The following RANBP2 variants were observed in gnomAD, a reference collection of about 807,000 sequenced individuals.
The protein encoded by RANBP2 is RAN binding protein 2, also known as E3 SUMO-protein ligase RanBP2.
A neutral mutation model predicts 303.6 loss-of-function variants in RANBP2; 57 were observed. The ratio of observed to expected loss-of-function variants is 0.19; its 90% CI spans 0.15 to 0.23. The LOEUF (loss-of-function observed/expected upper bound fraction) is 0.23. RANBP2 is among the 10% of genes least tolerant of loss of function. The pLI, the probability that RANBP2 is intolerant of heterozygous loss-of-function variation, is 1.00. For missense variants in RANBP2, 3,138 were observed against 3,780.8 expected (o/e 0.83, Z 4.46); for synonymous variants, 1,167 against 1,301.5 (o/e 0.90, Z 2.23).
chr2:109,198,796 T>A, the RANBP2 span, among the ~76,000 whole-genome samples: 1 of 152,226 alleles, frequency 6.6e-6, no homozygotes, highest in Admixed American at 6.5e-5. Context: ...GTACAGCCTT[T>A]GACATACCTA....
chr2:108,753,853 A>C lies in RANBP2; in HGVS notation c.2084A>C (p.Glu695Ala), dbSNP rs148298842. 7.7e-4 allele frequency: 1,236 copies of C among 1,611,848 alleles called. No homozygotes were observed. The highest frequency in any genetic ancestry group is 9.6e-4 in the Non-Finnish European group (1,137 of 1,179,804). The change falls in exon 15 of 29, where the codon GAA (glutamate) becomes GCA (alanine). Residue 695 changes from glutamate to alanine, a missense_variant. Coordinates refer to ENST00000283195, the MANE Select transcript of RANBP2 (RefSeq NM_006267.5). Reference protein sequence around the residue: ...LIFHRKAEDIENDALSPEEQE... With the variant: ...LIFHRKAEDIANDALSPEEQE... The stretch of plus-strand genomic sequence containing the variant: ...TTTCACAGGAAGGCAGAAGACATTG[A>C]AAATGATGCCCTTTCTCCTGAAGAA...
At chr2:109,552,745 G>A in the RANBP2 span, 1 of 203,616 alleles carries the variant, frequency 4.9e-6, no homozygotes, top group Non-Finnish European at 9.9e-6. Context: ...GGTTGAATGA[G>A]GCACCTAAAA....
At chr2:109,593,765 G>A in the RANBP2 span, among the ~76,000 whole-genome samples, 1 of 152,094 alleles carries the variant, frequency 6.6e-6, no homozygotes. Flanking sequence ...ATGTTCCACT[G>A]CAGCGTGTCA....
the RANBP2 span, among the ~76,000 whole-genome samples, chr2:109,143,201 T>TG: frequency 3.9e-4 from 59 of 152,192 alleles, no homozygotes; most frequent in African/African-American, 1.4e-3. Flanking sequence ...ATAGAAAAAT[T>TG]GTGGCAGTTG....
In RANBP2 at chr2:108,765,835, G is replaced by A; in HGVS notation, c.5296G>A (p.Glu1766Lys). Residue 1766 changes from glutamate to lysine, a missense_variant, in exon 20 of 29, where the codon GAG becomes AAG. By Grantham distance (56) the Glu-to-Lys change is moderately conservative. Around this residue, in one of 20 missense-constraint regions of RANBP2, gnomAD observed 348 missense variants for 360.4 expected, o/e 0.97. Coordinates refer to ENST00000283195, the MANE Select transcript of RANBP2 (RefSeq NM_006267.5). The part of the protein sequence containing the change: ...TTAISTPASS[E>K]ISKAPKSGFE... Reference sequence around the variant, plus strand: ...TGCAATTTCAACACCTGCCTCTTCGGAGATAAGCAAGGCTCCAAAGAGTGG... The same window carrying A: ...TGCAATTTCAACACCTGCCTCTTCGAAGATAAGCAAGGCTCCAAAGAGTGG... The A allele has an allele frequency of 6.2e-7, 1 of 1,614,176 alleles. No individual in the cohort carries two copies. The highest frequency in any genetic ancestry group is 8.5e-7 in the Non-Finnish European group (1 of 1,180,006).
chr2:108,812,612 A>G, the RANBP2 span: 3 of 1,590,126 alleles, frequency 1.9e-6, no homozygotes, highest in Non-Finnish European at 2.6e-6. Context: ...TGAAATATCT[A>G]ACTTTTTCTA....
At chr2:109,613,226 T>C in the RANBP2 span, 1 of 1,273,752 alleles carries the variant, frequency 7.9e-7, no homozygotes. Flanking sequence ...TCTACAAAAG[T>C]AACTGGAAAG....
chr2:109,600,233 G>A, the RANBP2 span, among the ~76,000 whole-genome samples: 1 of 151,996 alleles, frequency 6.6e-6, no homozygotes, highest in Admixed American at 6.6e-5. Context: ...TTAAGATCTG[G>A]ATCAGGGCCT....
the RANBP2 span, among the ~76,000 whole-genome samples, chr2:109,425,759 G>T: frequency 1.5e-3 from 236 of 152,346 alleles, no homozygotes; most frequent in African/African-American, 5.3e-3. Context: ...TTATTCAAGA[G>T]CTCTGATGGA....
At chr2:108,923,461 G>A in the RANBP2 span, 1 of 1,613,858 alleles carries the variant, frequency 6.2e-7, no homozygotes, top group Non-Finnish European at 8.5e-7. Flanking sequence ...TAGCTACGGG[G>A]GAGAGACAAG....
the RANBP2 span, among the ~76,000 whole-genome samples, chr2:109,386,407 C>A: frequency 2.7e-5 from 4 of 150,698 alleles, no homozygotes; most frequent in East Asian, 3.9e-4. Flanking sequence ...ATGACTGTTA[C>A]AAGAAGTTTA....
chr2:109,290,529 C>T, the RANBP2 span, among the ~76,000 whole-genome samples: 4 of 152,262 alleles, frequency 2.6e-5, no homozygotes, highest in Admixed American at 6.5e-5. Flanking sequence ...CATATTATGC[C>T]TAGCTAGGCT....
chr2:109,557,132 G>T, the RANBP2 span, among the ~76,000 whole-genome samples: 3 of 151,766 alleles, frequency 2.0e-5, no homozygotes, highest in African/African-American at 7.3e-5. Context: ...TAACAAACCA[G>T]CACGTTGTGC....
At chr2:108,900,982 A>T in the RANBP2 span, among the ~76,000 whole-genome samples, 2 of 152,206 alleles carry the variant, frequency 1.3e-5, no homozygotes, top group African/African-American at 4.8e-5. Flanking sequence ...TAAATGATAG[A>T]ACAATTAGAA....
At chr2:109,002,295 C>T in the RANBP2 span, among the ~76,000 whole-genome samples, 4 of 152,298 alleles carry the variant, frequency 2.6e-5, no homozygotes, top group South Asian at 2.1e-4. Flanking sequence ...GGGTTCCTTA[C>T]GCTTGTGAGC....
the RANBP2 span, among the ~76,000 whole-genome samples, chr2:109,540,660 A>AG: frequency 6.7e-6 from 1 of 148,946 alleles, no homozygotes; most frequent in Admixed American, 6.6e-5. Context: ...CTACCAAAAA[A>AG]GGAAAAAAAA....
At chr2:109,574,555 T>C in the RANBP2 span, 6 of 1,400,688 alleles carry the variant, frequency 4.3e-6, no homozygotes, top group East Asian at 1.5e-4. Flanking sequence ...TAAAGTATGG[T>C]AAGTTGATTC....
chr2:109,089,513 C>T, the RANBP2 span, among the ~76,000 whole-genome samples: 3 of 151,944 alleles, frequency 2.0e-5, no homozygotes, highest in Admixed American at 6.6e-5. Flanking sequence ...GGCTGAGATG[C>T]GAGGATTGCT....
chr2:108,920,018 C>T, the RANBP2 span, among the ~76,000 whole-genome samples: 1 of 152,264 alleles, frequency 6.6e-6, no homozygotes, highest in Non-Finnish European at 1.5e-5. Flanking sequence ...CTGCCTTCTG[C>T]AGCTGAGCAA....
Sources: allele counts gnomAD v4.1 joint callset (sites outside exome capture counted in the v4.1 genomes callset), GRCh38; gene constraint gnomAD v4.1.1; regional missense constraint gnomAD v4.1.1; transcripts MANE v1.5; gene names NCBI Gene and HGNC (gene_info 2026-07-23, HGNC 2026-07-21).